The following KCNIP1 variants were observed in gnomAD, a reference collection of about 807,000 sequenced individuals.
The protein encoded by KCNIP1 is potassium voltage-gated channel interacting protein 1.
A neutral mutation model predicts 33.0 loss-of-function variants in KCNIP1; 18 were observed. The observed-to-expected ratio is 0.55, with a 90% CI of 0.38 to 0.81. The LOEUF (loss-of-function observed/expected upper bound fraction) is 0.81. Ranked by LOEUF, KCNIP1 falls within the 30% of genes least tolerant of loss-of-function variation. The pLI is 0.00. For missense variants in KCNIP1, 238 were observed against 271.6 expected (o/e 0.88, Z 0.87); for synonymous variants, 93 against 98.3 (o/e 0.95, Z 0.32).
At chr5:170,382,101 C>G (rs928246827) in intron 1 of KCNIP1, among the ~76,000 whole-genome samples, 1 of 152,194 alleles carries the variant, frequency 6.6e-6, no homozygotes. Flanking sequence ...CTGCTGCAGG[C>G]CACATCTTGG....
chr5:170,730,877 C>T (rs1039556104), intron 5 of KCNIP1, among the ~76,000 whole-genome samples: 2 of 151,046 alleles, frequency 1.3e-5, no homozygotes, highest in Admixed American at 6.6e-5. Context: ...TGAAGGAGTT[C>T]CCAATAGTCA....
chr5:170,381,195 T>C (rs1273788408), intron 1 of KCNIP1, among the ~76,000 whole-genome samples: 1 of 152,170 alleles, frequency 6.6e-6, no homozygotes, highest in Non-Finnish European at 1.5e-5. Flanking sequence ...AATTCACTCT[T>C]CATGGCCAAA....
At chr5:170,687,520 A>G (rs1762579559) in intron 1 of KCNIP1, among the ~76,000 whole-genome samples, 1 of 152,210 alleles carries the variant, frequency 6.6e-6, no homozygotes, top group Non-Finnish European at 1.5e-5. Flanking sequence ...TTATACTACT[A>G]ACATAGCATA....
chr5:170,404,803 A>G (rs1238526266), intron 1 of KCNIP1, among the ~76,000 whole-genome samples: 4 of 152,206 alleles, frequency 2.6e-5, no homozygotes, highest in Non-Finnish European at 5.9e-5. Flanking sequence ...CCATTTTTGC[A>G]ATCTATCAGG....
At chr5:170,623,347 G>C (rs952822933) in intron 1 of KCNIP1, among the ~76,000 whole-genome samples, 7 of 152,102 alleles carry the variant, frequency 4.6e-5, no homozygotes, top group Non-Finnish European at 1.0e-4. Flanking sequence ...AAGTAGCTGG[G>C]ATTACAGGCA....
intron 1 of KCNIP1, among the ~76,000 whole-genome samples, chr5:170,564,501 CG>C (rs1357027963): frequency 6.6e-6 from 1 of 152,158 alleles, no homozygotes; most frequent in African/African-American, 2.4e-5. Flanking sequence ...GGGTGAATTG[CG>C]GGGGCACAGG....
intron 1 of KCNIP1, among the ~76,000 whole-genome samples, chr5:170,695,758 C>T (rs1381141771): frequency 2.6e-5 from 4 of 152,204 alleles, no homozygotes; most frequent in South Asian, 4.1e-4. Flanking sequence ...CGGTAGCTCA[C>T]GCCTGTAATC....
intron 1 of KCNIP1, among the ~76,000 whole-genome samples, chr5:170,713,621 T>C (rs1462788240): frequency 6.6e-6 from 1 of 152,234 alleles, no homozygotes; most frequent in African/African-American, 2.4e-5. Context: ...CTCTCATCTT[T>C]AAACATGGAC....
intron 1 of KCNIP1, among the ~76,000 whole-genome samples, chr5:170,689,361 T>C (rs1762643916): frequency 3.3e-5 from 5 of 152,252 alleles, no homozygotes; most frequent in Admixed American, 3.3e-4. Flanking sequence ...GTGTTCAGCC[T>C]GCACAAAATA....
intron 5 of KCNIP1, among the ~76,000 whole-genome samples, chr5:170,723,643 G>A (rs549026364): frequency 6.7e-6 from 1 of 148,324 alleles, no homozygotes; most frequent in African/African-American, 2.6e-5. Flanking sequence ...ACACAGATTT[G>A]AAGGCTTATT....
chr5:170,407,419 C>A (rs1181072141), intron 1 of KCNIP1, among the ~76,000 whole-genome samples: 1 of 152,124 alleles, frequency 6.6e-6, no homozygotes, highest in Non-Finnish European at 1.5e-5. Context: ...CTTTTATTTC[C>A]TTCTATCCAT....
rs534631650 is a variant in KCNIP1, at chr5:170,474,212, T to C, written c.88+120248T>C. Among the ~76,000 whole-genome samples, 6 of 152,310 alleles carry C rather than the reference T, an allele frequency of 3.9e-5. No homozygotes were observed. The East Asian group carries it at 1.2e-3, about 29-fold the overall frequency. On this transcript the variant is annotated intron_variant, in intron 1 of 7. Transcript: ENST00000377360. ...CTTCTATTACCCGAGAGGCTTTTTA[T>C]CTTTATAACGAGACAACCTTTACTT...
At chr5:170,499,242 TCAAA>T (rs1757366600), upstream of KCNIP1, among the ~76,000 whole-genome samples, 1 of 152,170 alleles carries the variant, frequency 6.6e-6, no homozygotes, top group Non-Finnish European at 1.5e-5. Context: ...AGATTTCCTA[TCAAA>T]CAGATGAAGA....
intron 1 of KCNIP1, among the ~76,000 whole-genome samples, chr5:170,694,918 G>A (rs1009265912): frequency 4.6e-5 from 7 of 152,158 alleles, no homozygotes; most frequent in African/African-American, 1.7e-4. Context: ...TAGAACTCAA[G>A]GGCAGTAAAC....
intron 1 of KCNIP1, among the ~76,000 whole-genome samples, chr5:170,682,424 T>A (rs1468659841): frequency 6.6e-6 from 1 of 152,180 alleles, no homozygotes; most frequent in Non-Finnish European, 1.5e-5. Context: ...CTGTTCAGCA[T>A]GTTAGCCCTG....
intron 1 of KCNIP1, among the ~76,000 whole-genome samples, chr5:170,691,994 C>T (rs1762738236): frequency 1.3e-5 from 2 of 152,148 alleles, no homozygotes; most frequent in South Asian, 4.1e-4. Flanking sequence ...AACTGCTCAA[C>T]TAATAGAGTT....
intron 1 of KCNIP1, among the ~76,000 whole-genome samples, chr5:170,392,975 C>CAT (rs2113368406): frequency 6.6e-6 from 1 of 152,310 alleles, no homozygotes; most frequent in African/African-American, 2.4e-5. Context: ...ATATGCAATA[C>CAT]ATACACATAC....
chr5:170,651,521 G>A (rs954563751), intron 1 of KCNIP1, among the ~76,000 whole-genome samples: 8 of 152,106 alleles, frequency 5.3e-5, no homozygotes, highest in South Asian at 4.1e-4. Flanking sequence ...TCCCCTGGGC[G>A]TCTCCTTAGC....
At position 170,456,701 on chromosome 5, in the gene KCNIP1, T is replaced by TTCTTTCTTTCTTTCTTTC. The variant is rs1554093874; in HGVS notation, c.88+102738_88+102739insCTTTCTTTCTTTCTTTCT. On this transcript the variant is annotated intron_variant, in intron 1 of 7. Transcript: ENST00000377360. ...TTTCTTTCTTTCTCTCTCTCTCTCTTTTTCTTTCTTTCTTTCTTTCTTTCT... is the reference window on the plus strand; with the variant it reads ...TTTCTTTCTTTCTCTCTCTCTCTCTTTCTTTCTTTCTTTCTTTCTTTCTTTCTTTCTTTCTTTCTTTCT... Among the ~76,000 whole-genome samples the TTCTTTCTTTCTTTCTTTC allele has an allele frequency of 2.5e-4, 34 of 135,774 alleles. 1 individual carries two copies. The highest frequency in any genetic ancestry group is 9.0e-4 in the African/African-American group (30 of 33,416). 89.1% of individuals were successfully genotyped at this position (135,774 alleles called of 152,430 possible). A position where few individuals can be genotyped will look rare whatever the true frequency, so the allele number is the denominator to read the frequency against.
Sources: gnomAD v4.1 joint callset for allele counts (sites outside exome capture counted in the v4.1 genomes callset) on GRCh38, gnomAD v4.1.1 for gene constraint, MANE v1.5 for transcripts, NCBI Gene and HGNC (gene_info 2026-07-23, HGNC 2026-07-21) for gene names.